Variants in NRXN3 observed in about 807,000 individuals in gnomAD.
NRXN3 encodes the protein neurexin III.
In NRXN3, 32 loss-of-function variants were observed where a neutral mutation model predicts 137.6. That is an observed-to-expected ratio of 0.23 (90% CI 0.18 to 0.31). The LOEUF (loss-of-function observed/expected upper bound fraction) is 0.31, where lower values mean the gene tolerates loss of function less well. Ranked by LOEUF, NRXN3 falls within the 10% of genes least tolerant of loss-of-function variation. NRXN3 has a pLI of 1.00. For missense variants in NRXN3, 1,574 were observed against 2,062.5 expected (o/e 0.76, Z 4.59); for synonymous variants, 798 against 784.5 (o/e 1.02, Z -0.29).
At chr14:78,205,572 C>A (rs1377226338) in intron 1 of NRXN3, among the ~76,000 whole-genome samples, 1 of 152,134 alleles carries the variant, frequency 6.6e-6, no homozygotes, top group Non-Finnish European at 1.5e-5. Flanking sequence ...TGGCTTAGGC[C>A]AAGAGGGTAA....
intron 15 of NRXN3, chr14:79,280,253 A>G (rs1681441729): frequency 6.2e-7 from 1 of 1,611,004 alleles, no homozygotes. Context: ...ACTGGCTGGA[A>G]TTCAAACTGC....
At chr14:79,180,479 C>G (rs1260192365) in intron 15 of NRXN3, among the ~76,000 whole-genome samples, 1 of 152,166 alleles carries the variant, frequency 6.6e-6, no homozygotes, top group African/African-American at 2.4e-5. Flanking sequence ...AGTAGTTTCA[C>G]TGGTACTAGA....
At chr14:78,378,439 C>T (rs969408708) in intron 4 of NRXN3, among the ~76,000 whole-genome samples, 11 of 146,680 alleles carry the variant, frequency 7.5e-5, no homozygotes, top group Non-Finnish European at 1.0e-4. Flanking sequence ...GAGCCAAGAT[C>T]GTGCCATTGC....
intron 20 of NRXN3, among the ~76,000 whole-genome samples, chr14:79,815,343 A>T (rs180772969): frequency 6.6e-6 from 1 of 152,342 alleles, no homozygotes; most frequent in Non-Finnish European, 1.5e-5. Flanking sequence ...TAGATTAAAG[A>T]TTATTCAATA....
At chr14:79,768,552 C>T (rs573159451) in intron 19 of NRXN3, among the ~76,000 whole-genome samples, 5 of 152,144 alleles carry the variant, frequency 3.3e-5, no homozygotes, top group East Asian at 1.9e-4. Flanking sequence ...ACGGACCTGC[C>T]GCTGAGGGTC....
intron 15 of NRXN3, among the ~76,000 whole-genome samples, chr14:79,399,355 T>G (rs2095123640): frequency 6.6e-6 from 1 of 152,192 alleles, no homozygotes; most frequent in Non-Finnish European, 1.5e-5. Context: ...AAGTAAATCT[T>G]TTTCCAAGGT....
chr14:78,644,233 G>A (rs576768232), intron 4 of NRXN3, among the ~76,000 whole-genome samples: 1 of 152,150 alleles, frequency 6.6e-6, no homozygotes, highest in South Asian at 2.1e-4. Context: ...ACAGGCTTAA[G>A]GCTTTTTGGG....
chr14:78,433,702 G>A (rs941546874), intron 4 of NRXN3, among the ~76,000 whole-genome samples: 24 of 152,108 alleles, frequency 1.6e-4, no homozygotes, highest in African/African-American at 5.1e-4. Flanking sequence ...CAGCAAGAAG[G>A]CCCTCCCAAG....
chr14:78,920,976 A>T (rs2099269431), intron 10 of NRXN3, among the ~76,000 whole-genome samples: 1 of 152,114 alleles, frequency 6.6e-6, no homozygotes, highest in South Asian at 2.1e-4. Flanking sequence ...GGTAGACATG[A>T]TTGATTATAC....
At chr14:78,371,966 A>C (rs1283725580) in intron 4 of NRXN3, among the ~76,000 whole-genome samples, 2 of 152,228 alleles carry the variant, frequency 1.3e-5, no homozygotes, top group Non-Finnish European at 2.9e-5. Flanking sequence ...ACTTGTCTAC[A>C]AGTCATGGGT....
At chr14:78,252,242 G>A (rs1167328446) in intron 2 of NRXN3, among the ~76,000 whole-genome samples, 1 of 151,368 alleles carries the variant, frequency 6.6e-6, no homozygotes, top group African/African-American at 2.4e-5. Flanking sequence ...AAACTACCCA[G>A]TTGCACTCTG....
chr14:79,263,416 GA>G (rs2077944943), intron 15 of NRXN3, among the ~76,000 whole-genome samples: 1 of 152,122 alleles, frequency 6.6e-6, no homozygotes. Flanking sequence ...AAAATCCGGG[GA>G]AAACATGTTT....
rs556212118 is a variant in NRXN3 at position 79,340,683 on chromosome 14, C to G, written c.3263-126538C>G. 2.0e-5 allele frequency among the ~76,000 whole-genome samples: 3 copies of G among 152,156 alleles called. No individual in the cohort carries two copies. In the East Asian group the frequency reaches 5.8e-4, roughly 29 times the overall value. ...TTCTCCATGTTTGTCAGGCTGGTCT[C>G]GAATTCTCGACCTCAGGTGATCCGC... is the stretch of plus-strand genomic sequence containing the variant. On this transcript the variant is annotated intron_variant, in intron 15 of 20. Transcript: ENST00000335750.
intron 4 of NRXN3, among the ~76,000 whole-genome samples, chr14:78,376,799 G>T (rs1224455693): frequency 1.3e-5 from 2 of 152,136 alleles, no homozygotes; most frequent in Non-Finnish European, 1.5e-5. Flanking sequence ...TAATTAACAG[G>T]GGTAGGTAAA....
chr14:78,352,406 A>G (rs1369704181), intron 4 of NRXN3, among the ~76,000 whole-genome samples: 1 of 152,014 alleles, frequency 6.6e-6, no homozygotes, highest in Non-Finnish European at 1.5e-5. Context: ...CTGGGTAAGC[A>G]CTACAAAGAA....
intron 15 of NRXN3, among the ~76,000 whole-genome samples, chr14:79,118,466 A>C (rs772606604): frequency 7.9e-5 from 12 of 152,182 alleles, no homozygotes; most frequent in Non-Finnish European, 1.3e-4. Flanking sequence ...GAGAGTCCTC[A>C]GAGCACTTTT....
chr14:79,720,040 G>T (rs1396522215), intron 19 of NRXN3, among the ~76,000 whole-genome samples: 1 of 151,994 alleles, frequency 6.6e-6, no homozygotes, highest in Non-Finnish European at 1.5e-5. Context: ...GAGTGTATTA[G>T]TCTGTTCTCA....
intron 8 of NRXN3, among the ~76,000 whole-genome samples, chr14:78,793,271 G>T (rs1298857336): frequency 6.6e-6 from 1 of 152,008 alleles, no homozygotes; most frequent in Non-Finnish European, 1.5e-5. Flanking sequence ...GCATTTAAAA[G>T]AAAATAAAGT....
At chr14:79,538,012 T>A (rs2097230929) in intron 16 of NRXN3, among the ~76,000 whole-genome samples, 1 of 152,212 alleles carries the variant, frequency 6.6e-6, no homozygotes, top group Non-Finnish European at 1.5e-5. Flanking sequence ...TGTCTCATTG[T>A]GGTTTTGATT....
Sources: gnomAD v4.1 joint callset for allele counts (sites outside exome capture counted in the v4.1 genomes callset) on GRCh38, gnomAD v4.1.1 for gene constraint, MANE v1.5 for transcripts, NCBI Gene and HGNC (gene_info 2026-07-23, HGNC 2026-07-21) for gene names.